Variants in SPECC1 observed in about 807,000 individuals in gnomAD.
The protein encoded by SPECC1 is sperm antigen with calponin homology and coiled-coil domains 1.
SPECC1 carries 62 observed loss-of-function variants against 104.1 expected under a neutral mutation model. That is an observed-to-expected ratio of 0.60 (90% CI 0.49 to 0.74). The LOEUF is 0.74. Among genes scored for constraint, SPECC1 ranks in the 30% least tolerant of loss-of-function variants. The probability of loss-of-function intolerance (pLI) is 0.00; values close to 1 mark genes in which losing one functional copy is unlikely to be tolerated. For missense variants in SPECC1, 1,306 were observed against 1,310.5 expected (o/e 1.00, Z 0.05); for synonymous variants, 513 against 501.6 (o/e 1.02, Z -0.30).
intron 1 of SPECC1, among the ~76,000 whole-genome samples, chr17:20,013,163 A>T (rs1295620838): frequency 6.6e-6 from 1 of 152,226 alleles, no homozygotes; most frequent in Non-Finnish European, 1.5e-5. Context: ...TGCCATGATC[A>T]TGGGTGTACA....
chr17:20,234,621 G>T (rs554926264), intron 7 of SPECC1, among the ~76,000 whole-genome samples: 1 of 152,292 alleles, frequency 6.6e-6, no homozygotes, highest in South Asian at 2.1e-4. Flanking sequence ...GTCATTCTTG[G>T]TTCAGCCACA....
chr17:20,046,454 T>C (rs1186607520), intron 1 of SPECC1, among the ~76,000 whole-genome samples: 11 of 152,206 alleles, frequency 7.2e-5, no homozygotes, highest in African/African-American at 2.7e-4. Flanking sequence ...AACTATGCCC[T>C]GTTCTATGTC....
At chr17:20,119,511 C>T (rs1448270070) in intron 3 of SPECC1, among the ~76,000 whole-genome samples, 3 of 152,236 alleles carry the variant, frequency 2.0e-5, no homozygotes, top group African/African-American at 7.2e-5. Context: ...GGATTACAGG[C>T]GTGAGCCACC....
intron 3 of SPECC1, among the ~76,000 whole-genome samples, chr17:20,154,413 G>A (rs116465767): frequency 0.041 from 6,288 of 152,178 alleles, 154 homozygotes; most frequent in Middle Eastern, 0.065. Context: ...GTAGGTGTCG[G>A]GAGGAAGAAT....
rs188357650 is a variant in SPECC1 at position 20,145,223 on chromosome 17, A to G, written c.283+34661A>G. On this transcript the variant is annotated intron_variant, in intron 3 of 14. Transcript: ENST00000395527. The stretch of plus-strand genomic sequence containing the variant: ...AATTTCAGCTCCCTACTTTTAATCT[A>G]TATGACCTTGGGCAAGATAGCGTAA... 2.4e-3 allele frequency among the ~76,000 whole-genome samples: 372 copies of G among 152,288 alleles called. 1 individual carries two copies. Among genetic ancestry groups the G allele is most frequent in the Non-Finnish European group, 3.9e-3 (264 of 68,012 alleles).
intron 7 of SPECC1, among the ~76,000 whole-genome samples, chr17:20,234,554 T>C (rs781540585): frequency 5.9e-5 from 9 of 152,240 alleles, no homozygotes; most frequent in Non-Finnish European, 1.0e-4. Flanking sequence ...CTTGACTGAA[T>C]GAGTTCTTGA....
At chr17:20,153,417 C>CA (rs2032192232) in intron 3 of SPECC1, among the ~76,000 whole-genome samples, 1 of 152,190 alleles carries the variant, frequency 6.6e-6, no homozygotes, top group Admixed American at 6.5e-5. Context: ...TAGGCAGAGG[C>CA]ATGGCGCAGT....
chr17:20,052,921 C>CTATGCGT (rs1242706866), intron 1 of SPECC1, among the ~76,000 whole-genome samples: 1 of 152,200 alleles, frequency 6.6e-6, no homozygotes, highest in Non-Finnish European at 1.5e-5. Flanking sequence ...AGTTTGTTAC[C>CTATGCGT]TATGCGTTTG....
intron 3 of SPECC1, among the ~76,000 whole-genome samples, chr17:20,134,200 A>G (rs1440009306): frequency 6.6e-6 from 1 of 151,512 alleles, no homozygotes; most frequent in African/African-American, 2.4e-5. Context: ...CAATCCAACC[A>G]CTCAGGGTTC....
intron 12 of SPECC1, among the ~76,000 whole-genome samples, chr17:20,270,728 C>G (rs186100418): frequency 2.0e-4 from 30 of 151,952 alleles, no homozygotes; most frequent in African/African-American, 7.0e-4. Flanking sequence ...AAAGTAAGTT[C>G]CTAGAAGTGA....
chr17:20,190,167 T>C (rs2035565710), intron 3 of SPECC1, among the ~76,000 whole-genome samples: 1 of 152,206 alleles, frequency 6.6e-6, no homozygotes, highest in African/African-American at 2.4e-5. Context: ...TAGTTCCTTA[T>C]GGCTGTGCAT....
intron 7 of SPECC1, among the ~76,000 whole-genome samples, chr17:20,234,335 T>G (rs559843639): frequency 6.6e-6 from 1 of 152,366 alleles, no homozygotes; most frequent in East Asian, 1.9e-4. Flanking sequence ...TTTCTGTCTG[T>G]CAGTGCATTT....
intron 8 of SPECC1, among the ~76,000 whole-genome samples, chr17:20,246,414 G>T (rs991779637): frequency 1.3e-5 from 2 of 152,158 alleles, no homozygotes; most frequent in African/African-American, 4.8e-5. Flanking sequence ...GAATTATGAG[G>T]GTCAGCTGGA....
intron 12 of SPECC1, among the ~76,000 whole-genome samples, chr17:20,288,484 C>T (rs972733951): frequency 2.0e-5 from 3 of 152,060 alleles, no homozygotes; most frequent in Non-Finnish European, 4.4e-5. Context: ...ATGAAAAAAA[C>T]CTCAACATCA....
rs1188504625 is a variant in SPECC1, at chr17:20,146,287, G to T, written c.283+35725G>T. Among the ~76,000 whole-genome samples, 7 of 152,306 alleles carry T rather than the reference G, an allele frequency of 4.6e-5. No individual in the cohort carries two copies. In the East Asian group the frequency reaches 1.3e-3, roughly 29 times the overall value. ...GTTTGCCTTTTTTGTCAGATAGCTG[G>T]AATGATGTAGTGTAGCTGAAAAGAA... On this transcript the variant is annotated intron_variant, in intron 3 of 14. Transcript: ENST00000395527.
intron 12 of SPECC1, among the ~76,000 whole-genome samples, chr17:20,269,056 TG>T: frequency 2.6e-5 from 4 of 152,328 alleles, no homozygotes; most frequent in Admixed American, 2.6e-4. Flanking sequence ...AAGTCTAAGC[TG>T]GGCACATCCC....
In SPECC1 at chr17:20,316,045, A is replaced by G. The variant is rs1464851830; in HGVS notation, c.*1980A>G. ...GGCAGGCAGCCTGCGGGAGCTCCTG[A>G]GCAGCTGTTGGGCGATGGTCATTAC... is the stretch of plus-strand genomic sequence containing the variant. On this transcript the variant is annotated 3_prime_UTR_variant, in exon 15 of 15. Transcript: ENST00000395527. 8.6e-6 allele frequency: 2 copies of G among 232,652 alleles called. No individual in the cohort carries two copies. Among genetic ancestry groups the G allele is most frequent in the Non-Finnish European group, 1.7e-5 (2 of 117,758 alleles). 14.4% of individuals were successfully genotyped at this position (232,652 alleles called of 1,614,324 possible). A position where few individuals can be genotyped will look rare whatever the true frequency, so the allele number is the denominator to read the frequency against.
intron 12 of SPECC1, among the ~76,000 whole-genome samples, chr17:20,293,041 T>G (rs956066175): frequency 6.6e-6 from 1 of 152,224 alleles, no homozygotes; most frequent in Non-Finnish European, 1.5e-5. Flanking sequence ...GGACAGATTC[T>G]TTGTATCTAT....
At chr17:20,290,474 G>A (rs2141961108) in intron 12 of SPECC1, 1 of 151,560 alleles carries the variant, frequency 6.6e-6, no homozygotes, top group East Asian at 1.9e-4. Context: ...TGCAACTACA[G>A]ACATGCACCA....
Sources: gnomAD v4.1 joint callset for allele counts (sites outside exome capture counted in the v4.1 genomes callset) on GRCh38, gnomAD v4.1.1 for gene constraint, MANE v1.5 for transcripts, NCBI Gene and HGNC (gene_info 2026-07-23, HGNC 2026-07-21) for gene names.